The following CCNL1 variants were observed in gnomAD, a reference collection of about 807,000 sequenced individuals.
CCNL1 encodes the protein cyclin L1, also known as cyclin-L1.
A neutral mutation model predicts 60.6 loss-of-function variants in CCNL1; 13 were observed. The ratio of observed to expected loss-of-function variants is 0.21; its 90% CI spans 0.14 to 0.34. CCNL1 has a LOEUF of 0.34. Among genes scored for constraint, CCNL1 ranks in the 10% least tolerant of loss-of-function variants. The pLI is 1.00. For synonymous variants in CCNL1, 270 were observed against 244.3 expected, an observed-to-expected ratio of 1.10 and a Z score of -0.98; for missense variants, 481 against 664.3, an observed-to-expected ratio of 0.72 and a Z score of 3.03.
chr3:157,151,441 C>T, intron 5 of CCNL1: 3 of 985,818 alleles, frequency 3.0e-6, no homozygotes, highest in Non-Finnish European at 3.6e-6. Flanking sequence ...ATTATAGTAA[C>T]ATCTCTTTTA....
chr3:157,146,604 G>C, downstream of CCNL1: 1 of 332,058 alleles, frequency 3.0e-6, no homozygotes. Context: ...GCAAGACCTC[G>C]TCTCTAAAAA....
intron 5 of CCNL1, chr3:157,151,185 A>G: frequency 4.1e-6 from 4 of 985,008 alleles, no homozygotes; most frequent in South Asian, 9.4e-5. Context: ...TATAAAAATA[A>G]TGAGACTTTT....
chr3:157,150,441 A>G (rs558690456), intron 5 of CCNL1, 60 bp from the exon 6 acceptor site: 359 of 1,564,318 alleles, frequency 2.3e-4, no homozygotes, highest in Non-Finnish European at 2.9e-4. Flanking sequence ...TGAAGCTTAC[A>G]TAAAATTGGA....
At position 157,148,328 on chromosome 3, in the gene CCNL1, C is replaced by T. The variant is rs774483966; in HGVS notation, c.1494G>A (p.Arg498=). The T allele has an allele frequency of 1.1e-4, 179 of 1,614,090 alleles. 2 individuals are homozygous for T. The highest frequency in any genetic ancestry group is 8.8e-4 in the Admixed American group (53 of 59,998). ...TCTCAAAGGAGCGAGATCGTTCACG[C>T]CTGTCCCTATGATGTCCCCTTTCAT... ...HRHERGHHRD[R]RERSRSFERS... Residue 498 remains arginine, a synonymous_variant, in exon 11 of 11, where the codon AGG becomes AGA. Coordinates refer to ENST00000295926, the MANE Select transcript of CCNL1 (RefSeq NM_020307.4).
chr3:157,148,334 C>T lies in CCNL1; in HGVS notation c.1488G>A (p.Arg496=), dbSNP rs746282584. The change falls in exon 11 of 11, where the codon AGG becomes AGA. Residue 496 remains arginine (R), a synonymous_variant. Transcript: ENST00000295926. ...KKHRHERGHH[R]DRRERSRSFE... ...AGGAGCGAGATCGTTCACGCCTGTC[C>T]CTATGATGTCCCCTTTCATGCCTGT... 7.4e-6 allele frequency: 12 copies of T among 1,614,146 alleles called. No homozygotes were observed. In the East Asian group the frequency reaches 2.7e-4, roughly 36 times the overall value.
downstream of CCNL1, among the ~76,000 whole-genome samples, chr3:157,145,105 AAATGT>A (rs550940828): frequency 3.4e-4 from 52 of 152,342 alleles, no homozygotes; most frequent in Non-Finnish European, 5.7e-4. Flanking sequence ...TGCAAAGGAC[AAATGT>A]AATGTTCTAT....
At chr3:157,150,421 C>A (rs1738096025) in intron 5 of CCNL1, 40 bp from the exon 6 acceptor site, 1 of 1,594,328 alleles carries the variant, frequency 6.3e-7, no homozygotes, top group Non-Finnish European at 8.6e-7. Flanking sequence ...TGTAAACAAA[C>A]CAGTTCTTCT....
chr3:157,145,356 T>C (rs1228358583), downstream of CCNL1, among the ~76,000 whole-genome samples: 1 of 139,436 alleles, frequency 7.2e-6, no homozygotes, highest in Admixed American at 8.0e-5. Flanking sequence ...GAGAATGGCA[T>C]GAACCTGGGA....
At chr3:157,146,669 T>C (rs905421936), downstream of CCNL1, 1 of 369,808 alleles carries the variant, frequency 2.7e-6, no homozygotes, top group South Asian at 2.1e-5. Context: ...ACAGGGCCTT[T>C]GCTGACATTT....
intron 10 of CCNL1, 91 bp from the exon 11 acceptor site, chr3:157,148,680 A>G: frequency 8.9e-7 from 1 of 1,125,970 alleles, no homozygotes. Flanking sequence ...AAACAAAACT[A>G]CCAGCTACAT....
chr3:157,159,162 A>T (rs1321844794), intron 2 of CCNL1, 187 bp from the exon 3 acceptor site: 4 of 631,726 alleles, frequency 6.3e-6, no homozygotes, highest in Non-Finnish European at 1.1e-5. Flanking sequence ...TTCCAGAGTC[A>T]AACTCAATCT....
chr3:157,159,915 C>G lies in CCNL1; in HGVS notation c.180G>C (p.Pro60=). ...VSLTIDHSLI[P]EERLSPTPSM... is the part of the protein sequence containing the mutation. Reference sequence around the variant, plus strand: ...ATGGGGTGGGCGAGAGCCTCTCCTCCGGAATCAGAGAGTGGTCGATGGTAA... The same window carrying G: ...ATGGGGTGGGCGAGAGCCTCTCCTCGGGAATCAGAGAGTGGTCGATGGTAA... The change falls in exon 1 of 11, where the codon CCG becomes CCC. Residue 60 remains proline, a synonymous_variant. Transcript: ENST00000295926. The G allele has an allele frequency of 6.2e-7, 1 of 1,606,966 alleles. No individual in the cohort carries two copies. The highest frequency in any genetic ancestry group is 8.5e-7 in the Non-Finnish European group (1 of 1,176,708).
At chr3:157,159,046 C>T (rs1738845161) in intron 2 of CCNL1, 71 bp from the exon 3 acceptor site, 4 of 992,778 alleles carry the variant, frequency 4.0e-6, no homozygotes, top group Admixed American at 2.0e-5. Flanking sequence ...ATTTAGAACA[C>T]AATTGGGACA....
At chr3:157,151,445 T>A in intron 5 of CCNL1, 1 of 985,832 alleles carries the variant, frequency 1.0e-6, no homozygotes, top group Non-Finnish European at 1.2e-6. Flanking sequence ...TAGTAACATC[T>A]CTTTTAAAAA....
chr3:157,145,706 C>T (rs1164694272), downstream of CCNL1, among the ~76,000 whole-genome samples: 1 of 152,062 alleles, frequency 6.6e-6, no homozygotes, highest in Non-Finnish European at 1.5e-5. Context: ...TCTGGGTGTC[C>T]AGGCTTCTAA....
downstream of CCNL1, among the ~76,000 whole-genome samples, chr3:157,144,731 A>G (rs1301334126): frequency 2.6e-5 from 4 of 152,238 alleles, no homozygotes; most frequent in Non-Finnish European, 5.9e-5. Context: ...ACCCTTCAGT[A>G]TGCCCATGCA....
intron 4 of CCNL1, chr3:157,152,589 G>T: frequency 1.1e-5 from 12 of 1,079,264 alleles, no homozygotes; most frequent in Non-Finnish European, 1.2e-5. Context: ...CTCACTCTAT[G>T]GCTTATATTG....
chr3:157,159,296 G>T, intron 2 of CCNL1, 109 bp downstream of exon 2: 1 of 974,082 alleles, frequency 1.0e-6, no homozygotes, highest in Non-Finnish European at 1.6e-6. Context: ...TAGGTACAAA[G>T]GCCTAAACTA....
In CCNL1 at chr3:157,151,534, G is replaced by A. The variant is rs540455416; in HGVS notation, c.674+643C>T. 1.5e-5 allele frequency: 15 copies of A among 985,880 alleles called. No homozygotes were observed. In the African/African-American group the frequency reaches 2.6e-4, roughly 17 times the overall value. The allele number at this position is 985,880 out of a possible 1,614,324, so 61.1% of individuals were successfully genotyped here. A position where few individuals can be genotyped will look rare whatever the true frequency, so the allele number is the denominator to read the frequency against. On this transcript the variant is annotated intron_variant, in intron 5 of 10. Transcript: ENST00000295926. Reference sequence around the variant, plus strand: ...ATAAATTAAGCCAGTGTGGGAACTGGTGCCCATTTTAAGCTGCAAGTTTGT... The same window carrying A: ...ATAAATTAAGCCAGTGTGGGAACTGATGCCCATTTTAAGCTGCAAGTTTGT...
Sources: gnomAD v4.1 joint callset for allele counts (sites outside exome capture counted in the v4.1 genomes callset) on GRCh38, gnomAD v4.1.1 for gene constraint, MANE v1.5 for transcripts, NCBI Gene and HGNC (gene_info 2026-07-23, HGNC 2026-07-21) for gene names.